Variants in ARSJ observed in about 807,000 individuals in gnomAD.
The protein encoded by ARSJ is arylsulfatase J.
A neutral mutation model predicts 35.9 loss-of-function variants in ARSJ; 26 were observed. The ratio of observed to expected loss-of-function variants is 0.72; its 90% CI spans 0.53 to 1.00. ARSJ has a LOEUF of 1.00. ARSJ is among the 50% of genes least tolerant of loss of function. ARSJ has a pLI of 0.00. For synonymous variants in ARSJ, 294 were observed against 267.6 expected, an observed-to-expected ratio of 1.10 and a Z score of -0.96; for missense variants, 667 against 723.6, an observed-to-expected ratio of 0.92 and a Z score of 0.90.
At chr4:113,969,620 A>C (rs561344721) in intron 1 of ARSJ, among the ~76,000 whole-genome samples, 1 of 152,346 alleles carries the variant, frequency 6.6e-6, no homozygotes, top group African/African-American at 2.4e-5. Flanking sequence ...CATTACTATG[A>C]TTCTATAGAT....
At chr4:113,968,671 T>C (rs1294296763) in intron 1 of ARSJ, among the ~76,000 whole-genome samples, 15 of 152,210 alleles carry the variant, frequency 9.9e-5, no homozygotes. Flanking sequence ...TGGAAAATTG[T>C]TGGGAGATTG....
intron 1 of ARSJ, among the ~76,000 whole-genome samples, chr4:113,939,482 C>T (rs1402725612): frequency 6.6e-6 from 1 of 152,108 alleles, no homozygotes; most frequent in African/African-American, 2.4e-5. Flanking sequence ...CGAGGAATTG[C>T]CACACTGACT....
At chr4:113,960,251 C>G (rs1387510638) in intron 1 of ARSJ, among the ~76,000 whole-genome samples, 1 of 152,048 alleles carries the variant, frequency 6.6e-6, no homozygotes. Context: ...TATACCTGTT[C>G]TGGTATGCCT....
At chr4:113,964,970 T>C (rs1177780911) in intron 1 of ARSJ, among the ~76,000 whole-genome samples, 1 of 152,138 alleles carries the variant, frequency 6.6e-6, no homozygotes, top group Admixed American at 6.6e-5. Context: ...ATAAAAACTT[T>C]TCACAGTCAA....
At chr4:113,962,668 G>A (rs1467097701) in intron 1 of ARSJ, among the ~76,000 whole-genome samples, 1 of 151,918 alleles carries the variant, frequency 6.6e-6, no homozygotes, top group African/African-American at 2.4e-5. Context: ...ACAGGTTAAT[G>A]CTATGGTCTC....
intron 1 of ARSJ, among the ~76,000 whole-genome samples, chr4:113,912,734 AATGTGTGTGTGTGT>A (rs1444923891): frequency 1.0e-4 from 9 of 87,654 alleles, no homozygotes; most frequent in Non-Finnish European, 1.7e-4. Context: ...AATAAATGAG[AATGTGTGTGTGTGT>A]GTGTGTGTGT....
intron 1 of ARSJ, chr4:113,970,384 A>G (rs1727165296): frequency 6.6e-6 from 1 of 152,248 alleles, no homozygotes; most frequent in South Asian, 2.1e-4. Context: ...ACCAATTTAT[A>G]TAATTTCTCT....
intron 1 of ARSJ, among the ~76,000 whole-genome samples, chr4:113,945,417 T>C (rs1049826333): frequency 2.6e-5 from 4 of 152,106 alleles, no homozygotes; most frequent in African/African-American, 9.7e-5. Context: ...GAATTACAAG[T>C]GAGAGCCACC....
chr4:113,924,076 AATATAT>A (rs1164333093), intron 1 of ARSJ, among the ~76,000 whole-genome samples: 24 of 95,680 alleles, frequency 2.5e-4, no homozygotes, highest in African/African-American at 7.2e-4. Context: ...AATATATATA[AATATAT>A]ATATATATAT....
At chr4:113,951,888 C>T (rs917563847) in intron 1 of ARSJ, among the ~76,000 whole-genome samples, 2 of 151,980 alleles carry the variant, frequency 1.3e-5, no homozygotes, top group Admixed American at 1.3e-4. Context: ...CTTAGGTTAA[C>T]TTTGATTTGT....
chr4:113,913,720 A>G (rs1723096341), intron 1 of ARSJ, among the ~76,000 whole-genome samples: 1 of 152,176 alleles, frequency 6.6e-6, no homozygotes, highest in African/African-American at 2.4e-5. Flanking sequence ...GCTATTTTCA[A>G]TATGACTACA....
chr4:113,916,027 G>A (rs1049074789), intron 1 of ARSJ, among the ~76,000 whole-genome samples: 2 of 152,172 alleles, frequency 1.3e-5, no homozygotes, highest in Non-Finnish European at 2.9e-5. Flanking sequence ...TATTTTCTGC[G>A]AAAAGTTTGC....
At chr4:113,931,779 A>G (rs1159046740) in intron 1 of ARSJ, among the ~76,000 whole-genome samples, 5 of 152,108 alleles carry the variant, frequency 3.3e-5, no homozygotes, top group Non-Finnish European at 5.9e-5. Context: ...TCAAGTGGAA[A>G]CACAAGAAAC....
At chr4:113,969,040 G>C (rs566403690) in intron 1 of ARSJ, among the ~76,000 whole-genome samples, 22 of 152,282 alleles carry the variant, frequency 1.4e-4, no homozygotes, top group African/African-American at 5.3e-4. Context: ...TCAATAACAT[G>C]TCTTGAGATT....
chr4:113,941,108 G>A (rs1725132056), intron 1 of ARSJ, among the ~76,000 whole-genome samples: 1 of 151,966 alleles, frequency 6.6e-6, no homozygotes, highest in East Asian at 1.9e-4. Context: ...TGGGAACATT[G>A]CAGAGGCTAC....
intron 1 of ARSJ, among the ~76,000 whole-genome samples, chr4:113,954,374 T>C (rs1726040701): frequency 6.6e-6 from 1 of 152,082 alleles, no homozygotes; most frequent in Non-Finnish European, 1.5e-5. Context: ...TTCAGGTTTA[T>C]AGACTGGAGA....
chr4:113,939,409 C>T (rs940163520), intron 1 of ARSJ, among the ~76,000 whole-genome samples: 1 of 151,724 alleles, frequency 6.6e-6, no homozygotes, highest in Admixed American at 6.6e-5. Flanking sequence ...GATTTATAGT[C>T]CTTTGGGTAT....
At chr4:113,959,989 T>C (rs573832769) in intron 1 of ARSJ, among the ~76,000 whole-genome samples, 1 of 152,202 alleles carries the variant, frequency 6.6e-6, no homozygotes, top group African/African-American at 2.4e-5. Context: ...CTATCATTGC[T>C]TCTCTCTTGA....
Position 113,964,186 on chromosome 4 carries a change from A to G in ARSJ, c.398+14251T>C, listed in dbSNP as rs192022046. The stretch of plus-strand genomic sequence containing the variant: ...CTAGCTAAGATGGCCATAACACTTT[A>G]GAAAATTATGATATACTGTATATGC... On this transcript the variant is annotated intron_variant, in intron 1 of 1. Transcript: ENST00000315366. Among the ~76,000 whole-genome samples the G allele has an allele frequency of 3.3e-5, 5 of 152,214 alleles. No homozygotes were observed. In the East Asian group the frequency reaches 9.7e-4, roughly 29 times the overall value.
Sources: allele counts gnomAD v4.1 joint callset (sites outside exome capture counted in the v4.1 genomes callset), GRCh38; gene constraint gnomAD v4.1.1; transcripts MANE v1.5; gene names NCBI Gene and HGNC (gene_info 2026-07-23, HGNC 2026-07-21).